Variants in GSDMC observed in about 807,000 individuals in gnomAD.
The protein encoded by GSDMC is gasdermin-C.
Under a neutral mutation model 58.0 loss-of-function variants are expected in GSDMC, and 59 were observed. The ratio of observed to expected loss-of-function variants is 1.02; its 90% CI spans 0.82 to 1.26. The LOEUF is 1.26. GSDMC is among the 50% of genes most tolerant of loss of function. GSDMC has a pLI of 0.00. For missense variants in GSDMC, 659 were observed against 598.5 expected (o/e 1.10, Z -1.06); for synonymous variants, 241 against 220.2 (o/e 1.09, Z -0.83).
At chr8:129,746,535 G>A (rs989057778), downstream of GSDMC, among the ~76,000 whole-genome samples, 5 of 152,196 alleles carry the variant, frequency 3.3e-5, no homozygotes, top group Admixed American at 1.3e-4. Flanking sequence ...ATTATTATAA[G>A]AGGAAATTTT....
At chr8:129,720,480 C>T in the GSDMC span, among the ~76,000 whole-genome samples, 1 of 152,078 alleles carries the variant, frequency 6.6e-6, no homozygotes, top group Non-Finnish European at 1.5e-5. Flanking sequence ...CGTTCACATC[C>T]ACATAAATAT....
At chr8:129,737,024 T>A in the GSDMC span, among the ~76,000 whole-genome samples, 1 of 152,212 alleles carries the variant, frequency 6.6e-6, no homozygotes, top group Non-Finnish European at 1.5e-5. Flanking sequence ...AAATCATGAA[T>A]GAACTCCCAT....
chr8:129,784,430 A>G (rs1435316952), intron 1 of GSDMC, among the ~76,000 whole-genome samples: 1 of 152,202 alleles, frequency 6.6e-6, no homozygotes. Context: ...AAATATGGGC[A>G]AAAGAGTTGA....
At chr8:129,722,847 T>C in the GSDMC span, 1 of 152,222 alleles carries the variant, frequency 6.6e-6, no homozygotes, top group Admixed American at 6.5e-5. Context: ...TAGTCATATG[T>C]TTTTGTTTGG....
the GSDMC span, among the ~76,000 whole-genome samples, chr8:129,725,085 C>A: frequency 1.3e-5 from 2 of 152,226 alleles, no homozygotes; most frequent in Admixed American, 1.3e-4. Context: ...CCTCTGCTAG[C>A]CTGAGAAAGC....
chr8:129,771,908 C>A (rs2034063736), intron 3 of GSDMC, among the ~76,000 whole-genome samples: 1 of 152,108 alleles, frequency 6.6e-6, no homozygotes, highest in African/African-American at 2.4e-5. Flanking sequence ...TTTATAAACA[C>A]CTACATTAAG....
chr8:129,731,461 A>G, the GSDMC span, among the ~76,000 whole-genome samples: 7 of 152,204 alleles, frequency 4.6e-5, no homozygotes, highest in Non-Finnish European at 1.0e-4. Flanking sequence ...TGTGTTTGTC[A>G]AGGTTCTCCA....
chr8:129,778,089 T>C (rs933528498), intron 1 of GSDMC, among the ~76,000 whole-genome samples: 2 of 152,142 alleles, frequency 1.3e-5, no homozygotes, highest in African/African-American at 4.8e-5. Flanking sequence ...TAAGATGATA[T>C]GAGTAGTGGT....
At chr8:129,760,738 G>A in intron 5 of GSDMC, 149 bp from the exon 6 acceptor site, 2 of 555,328 alleles carry the variant, frequency 3.6e-6, no homozygotes, top group Non-Finnish European at 6.5e-6. Context: ...ACTTTGAAAG[G>A]TGCCCTGGAA....
At chr8:129,728,971 AGCAGGAGCT>A in the GSDMC span, 2 of 669,672 alleles carry the variant, frequency 3.0e-6, no homozygotes, top group Non-Finnish European at 5.7e-6. Context: ...AACGAGAAGG[AGCAGGAGCT>A]GCGGGAGACC....
the GSDMC span, chr8:129,730,493 C>T: frequency 0.057 from 40,370 of 713,362 alleles, 2,231 homozygotes; most frequent in East Asian, 0.25. Flanking sequence ...AATTCTACTA[C>T]AGCACATCCA....
the GSDMC span, among the ~76,000 whole-genome samples, chr8:129,715,983 C>T: frequency 2.0e-5 from 3 of 151,980 alleles, no homozygotes; most frequent in Non-Finnish European, 4.4e-5. Context: ...TTACTTGAAC[C>T]TAAAGCAACT....
chr8:129,715,826 T>A, the GSDMC span, among the ~76,000 whole-genome samples: 1 of 152,186 alleles, frequency 6.6e-6, no homozygotes. Context: ...CAAACTAATC[T>A]GTTTAAGCAA....
At chr8:129,778,489 C>T (rs114548561) in intron 1 of GSDMC, among the ~76,000 whole-genome samples, 2,178 of 151,910 alleles carry the variant, frequency 0.014, 61 homozygotes, top group African/African-American at 0.049. Context: ...ATGTAAAACC[C>T]GAAACTATAA....
the GSDMC span, among the ~76,000 whole-genome samples, chr8:129,723,827 C>T: frequency 6.6e-6 from 1 of 152,208 alleles, no homozygotes; most frequent in African/African-American, 2.4e-5. Flanking sequence ...CTAGAAAATA[C>T]TACTACTCTA....
intron 6 of GSDMC, among the ~76,000 whole-genome samples, chr8:129,753,419 A>G (rs1023955509): frequency 2.6e-5 from 4 of 152,178 alleles, no homozygotes; most frequent in African/African-American, 9.6e-5. Context: ...TACTGCCTTG[A>G]AGGGAAGAAC....
intron 1 of GSDMC, among the ~76,000 whole-genome samples, chr8:129,784,769 G>A (rs72718337): frequency 0.15 from 22,298 of 152,130 alleles, 1,922 homozygotes; most frequent in East Asian, 0.3. Flanking sequence ...AAGAAAACCA[G>A]TATATTGAAG....
chr8:129,741,714 A>G, the GSDMC span, among the ~76,000 whole-genome samples: 2 of 152,070 alleles, frequency 1.3e-5, no homozygotes, highest in East Asian at 3.9e-4. Context: ...ATGTTAGAAG[A>G]CAGTATGGAG....
At chr8:129,721,556 C>T in the GSDMC span, among the ~76,000 whole-genome samples, 1 of 152,014 alleles carries the variant, frequency 6.6e-6, no homozygotes, top group Non-Finnish European at 1.5e-5. Flanking sequence ...CCATGATCTT[C>T]TTGTGGAAAT....
Sources: allele counts gnomAD v4.1 joint callset (sites outside exome capture counted in the v4.1 genomes callset), GRCh38; gene constraint gnomAD v4.1.1; transcripts MANE v1.5; gene names NCBI Gene and HGNC (gene_info 2026-07-23, HGNC 2026-07-21).